ADAMTSL1: variants seen among roughly 807,000 people sequenced by gnomAD.
The protein encoded by ADAMTSL1 is ADAMTS like 1.
ADAMTSL1 carries 126 observed loss-of-function variants against 201.8 expected under a neutral mutation model. The observed-to-expected ratio is 0.62, with a 90% CI of 0.54 to 0.72. The LOEUF (loss-of-function observed/expected upper bound fraction) is 0.72, where lower values mean the gene tolerates loss of function less well. Among genes scored for constraint, ADAMTSL1 ranks in the 30% least tolerant of loss-of-function variants. The probability of loss-of-function intolerance (pLI) is 0.00; values close to 1 mark genes in which losing one functional copy is unlikely to be tolerated. For synonymous variants in ADAMTSL1, 1,121 were observed against 903.4 expected (o/e 1.24, Z -4.32); for missense variants, 2,679 against 2,277.8 (o/e 1.18, Z -3.59).
At chr9:18,816,720 CTTTTTTTT>C (rs751791974) in intron 20 of ADAMTSL1, among the ~76,000 whole-genome samples, 39 of 39,754 alleles carry the variant, frequency 9.8e-4, no homozygotes, top group African/African-American at 3.7e-3. Flanking sequence ...AACCCTTGGT[CTTTTTTTT>C]TTTTTTTTTT....
At chr9:18,901,710 A>C (rs973878080) in intron 26 of ADAMTSL1, among the ~76,000 whole-genome samples, 2 of 152,198 alleles carry the variant, frequency 1.3e-5, no homozygotes, top group Non-Finnish European at 2.9e-5. Flanking sequence ...TAAAAAAACA[A>C]CTAATCACAA....
At chr9:18,041,745 C>G (rs1563965281) in intron 1 of ADAMTSL1, among the ~76,000 whole-genome samples, 1 of 152,046 alleles carries the variant, frequency 6.6e-6, no homozygotes, top group East Asian at 1.9e-4. Flanking sequence ...TCATGATTTT[C>G]AAAATTTATA....
chr9:18,118,403 G>T (rs1221679713), intron 1 of ADAMTSL1, among the ~76,000 whole-genome samples: 4 of 152,196 alleles, frequency 2.6e-5, no homozygotes, highest in Non-Finnish European at 5.9e-5. Context: ...CACAGGTCCA[G>T]TGTTTTCCAC....
intron 4 of ADAMTSL1, among the ~76,000 whole-genome samples, chr9:18,621,276 G>A (rs922681805): frequency 6.6e-6 from 1 of 152,076 alleles, no homozygotes; most frequent in African/African-American, 2.4e-5. Context: ...GACACAAATG[G>A]CATTGCCCAC....
intron 1 of ADAMTSL1, among the ~76,000 whole-genome samples, chr9:18,154,588 A>G (rs889597829): frequency 6.6e-5 from 10 of 152,232 alleles, no homozygotes; most frequent in Admixed American, 3.3e-4. Flanking sequence ...CTCCCTTAAC[A>G]GGAACAACAT....
intron 19 of ADAMTSL1, among the ~76,000 whole-genome samples, chr9:18,787,640 T>C (rs10963759): frequency 0.24 from 36,171 of 152,140 alleles, 4,907 homozygotes; most frequent in Admixed American, 0.35. Context: ...AGTAAACATT[T>C]TAGGATTTGC....
chr9:18,339,051 C>T (rs570864274), intron 2 of ADAMTSL1, among the ~76,000 whole-genome samples: 1 of 152,258 alleles, frequency 6.6e-6, no homozygotes, highest in Admixed American at 6.5e-5. Flanking sequence ...AATTCCATGT[C>T]TTTGCTATAG....
intron 2 of ADAMTSL1, among the ~76,000 whole-genome samples, chr9:18,330,889 G>T (rs1835003747): frequency 6.6e-6 from 1 of 152,180 alleles, no homozygotes; most frequent in South Asian, 2.1e-4. Context: ...ACATGCCAGG[G>T]ACTGTCCCAG....
At chr9:18,370,136 T>C (rs1372489649) in intron 2 of ADAMTSL1, among the ~76,000 whole-genome samples, 2 of 151,926 alleles carry the variant, frequency 1.3e-5, no homozygotes, top group Admixed American at 1.3e-4. Flanking sequence ...AAAAATTAGC[T>C]GGATGTGATG....
intron 2 of ADAMTSL1, among the ~76,000 whole-genome samples, chr9:18,228,878 A>G (rs2132397121): frequency 6.7e-6 from 1 of 150,112 alleles, no homozygotes; most frequent in East Asian, 2.0e-4. Flanking sequence ...GGGGTCACAC[A>G]GCTCATGCTC....
chr9:18,413,309 C>T (rs549735399), intron 2 of ADAMTSL1, among the ~76,000 whole-genome samples: 34 of 152,020 alleles, frequency 2.2e-4, no homozygotes, highest in Non-Finnish European at 4.3e-4. Flanking sequence ...GGATTACAAG[C>T]GCCCGCCACC....
At chr9:18,056,156 C>CA (rs1822173005) in intron 1 of ADAMTSL1, among the ~76,000 whole-genome samples, 1 of 144,998 alleles carries the variant, frequency 6.9e-6, no homozygotes, top group African/African-American at 2.5e-5. Context: ...TCAGCAAAAG[C>CA]TTTTTTTTTT....
chr9:18,248,803 C>G (rs1386442665), intron 2 of ADAMTSL1, among the ~76,000 whole-genome samples: 1 of 152,176 alleles, frequency 6.6e-6, no homozygotes, highest in African/African-American at 2.4e-5. Flanking sequence ...CTCAATCTCT[C>G]TCTCTCACTG....
chr9:18,187,583 A>G (rs930305139), intron 2 of ADAMTSL1, among the ~76,000 whole-genome samples: 1 of 152,204 alleles, frequency 6.6e-6, no homozygotes, highest in African/African-American at 2.4e-5. Flanking sequence ...ATAGAGAAAC[A>G]TAAAAAAGGA....
chr9:18,265,887 A>G (rs571572666), intron 2 of ADAMTSL1, among the ~76,000 whole-genome samples: 2 of 152,334 alleles, frequency 1.3e-5, no homozygotes, highest in East Asian at 3.9e-4. Flanking sequence ...TAAATCATAA[A>G]TATCACCTAG....
At chr9:18,221,761 G>T (rs929285899) in intron 2 of ADAMTSL1, among the ~76,000 whole-genome samples, 4 of 151,950 alleles carry the variant, frequency 2.6e-5, no homozygotes, top group African/African-American at 9.7e-5. Flanking sequence ...GTGTTATCCA[G>T]TTGTTGCTGC....
intron 1 of ADAMTSL1, among the ~76,000 whole-genome samples, chr9:18,045,709 A>T (rs1392335781): frequency 6.6e-6 from 1 of 150,684 alleles, no homozygotes; most frequent in Non-Finnish European, 1.5e-5. Context: ...ATTTCCATGG[A>T]TCAGGCTATC....
chr9:17,951,646 G>A (rs1234070283), intron 1 of ADAMTSL1, among the ~76,000 whole-genome samples: 1 of 148,890 alleles, frequency 6.7e-6, no homozygotes, highest in African/African-American at 2.5e-5. Flanking sequence ...TTTTCTATTG[G>A]GCTGTTGTCT....
intron 19 of ADAMTSL1, among the ~76,000 whole-genome samples, chr9:18,781,635 A>AGTG (rs1821401709): frequency 6.6e-6 from 1 of 152,092 alleles, no homozygotes; most frequent in Admixed American, 6.5e-5. Flanking sequence ...TATGTCTGGT[A>AGTG]GTGGTTCAGA....
Sources: gnomAD v4.1 joint callset for allele counts (sites outside exome capture counted in the v4.1 genomes callset) on GRCh38, gnomAD v4.1.1 for gene constraint, MANE v1.5 for transcripts, NCBI Gene and HGNC (gene_info 2026-07-23, HGNC 2026-07-21) for gene names.